PRCC: variants seen among roughly 807,000 people sequenced by gnomAD.
The protein encoded by PRCC is proline-rich protein PRCC.
PRCC carries 10 observed loss-of-function variants against 44.0 expected under a neutral mutation model. That is an observed-to-expected ratio of 0.23 (90% CI 0.14 to 0.39). PRCC has a LOEUF of 0.39. PRCC is among the 10% of genes least tolerant of loss of function. PRCC has a pLI of 1.00. For synonymous variants in PRCC, 278 were observed against 259.5 expected (o/e 1.07, Z -0.69); for missense variants, 573 against 624.7 (o/e 0.92, Z 0.88).
At chr1:156,793,652 C>T (rs1652565535) in intron 4 of PRCC, among the ~76,000 whole-genome samples, 1 of 152,104 alleles carries the variant, frequency 6.6e-6, no homozygotes, top group Non-Finnish European at 1.5e-5. Flanking sequence ...TTAGAAGGAA[C>T]AGAGATGGAC....
rs1558051770 is a variant in PRCC, at chr1:156,787,150, C to T, written c.1059C>T (p.Ala353=). The change falls in exon 3 of 7, where the codon GCC becomes GCT. Residue 353 remains alanine (A), a synonymous_variant. Coordinates refer to ENST00000271526, the MANE Select transcript of PRCC (RefSeq NM_005973.5). ...ATCAGTTTTCCACATATGGCGATGC[C>T]AATGCCGCTGGTGCTTATTATCAGG... ...SYNQFSTYGD[A]NAAGAYYQDY... The T allele has an allele frequency of 1.2e-6, 2 of 1,607,662 alleles. No individual in the cohort carries two copies. Among genetic ancestry groups the T allele is most frequent in the Non-Finnish European group, 1.7e-6 (2 of 1,174,964 alleles).
At chr1:156,799,934 T>C (rs1307413300) in intron 6 of PRCC, among the ~76,000 whole-genome samples, 1 of 152,164 alleles carries the variant, frequency 6.6e-6, no homozygotes, top group Non-Finnish European at 1.5e-5. Context: ...GGCTAAGCAA[T>C]TGTTTGTTGG....
intron 4 of PRCC, among the ~76,000 whole-genome samples, chr1:156,793,517 A>G (rs1356140561): frequency 6.6e-6 from 1 of 150,606 alleles, no homozygotes; most frequent in Non-Finnish European, 1.5e-5. Context: ...TCTTTACCTT[A>G]AAAGCTTTTG....
chr1:156,785,708 C>T (rs1652217411), intron 2 of PRCC, among the ~76,000 whole-genome samples: 1 of 151,996 alleles, frequency 6.6e-6, no homozygotes, highest in Non-Finnish European at 1.5e-5. Context: ...TCTGGACTCA[C>T]TGCTTCCTTG....
In PRCC at chr1:156,784,604, C is replaced by G. The variant is rs1174105118; in HGVS notation, c.517-2004C>G. Among the ~76,000 whole-genome samples the G allele has an allele frequency of 2.0e-5, 3 of 152,184 alleles. No homozygotes were observed. The East Asian group carries it at 5.8e-4, about 29-fold the overall frequency. The stretch of plus-strand genomic sequence containing the variant: ...ACCGGAGCCTCTGGGCGCTTCCAGG[C>G]TGGACCAAATCTGTGAACACACACA... On this transcript the variant is annotated intron_variant, in intron 2 of 6. Coordinates refer to ENST00000271526, the MANE Select transcript of PRCC (RefSeq NM_005973.5).
In PRCC at chr1:156,767,828, C is replaced by A; in HGVS notation, c.57C>A (p.Pro19=). 1 of 1,610,344 alleles carries A rather than the reference C, an allele frequency of 6.2e-7. No individual in the cohort carries two copies. The highest frequency in any genetic ancestry group is 8.5e-7 in the Non-Finnish European group (1 of 1,179,138). ...SDESEPDEAE[P]EPEEEEAVAP... is the part of the protein sequence containing the mutation. ...AGAGCGAGCCGGATGAGGCTGAGCC[C>A]GAGCCGGAGGAAGAGGAGGCGGTGG... Residue 19 remains proline (P), a synonymous_variant, in exon 1 of 7, where the codon CCC becomes CCA. Transcript: ENST00000271526.
intron 2 of PRCC, among the ~76,000 whole-genome samples, chr1:156,785,815 CT>C (rs11371012): frequency 1.5e-4 from 21 of 140,632 alleles, no homozygotes; most frequent in African/African-American, 2.6e-4. Flanking sequence ...GGGGAAGGGA[CT>C]TTTTTTTTTT....
At position 156,794,429 on chromosome 1, in the gene PRCC, G is replaced by A. The variant is rs990551259; in HGVS notation, c.1180-236G>A. ...TCACTGGTTCTCTGCTCTCATTCAT[G>A]TTTGGAGATACCTCTTAGCTTCCCT... is the stretch of plus-strand genomic sequence containing the variant. On this transcript the variant is annotated intron_variant, in intron 4 of 6. Transcript: ENST00000271526. Among the ~76,000 whole-genome samples, 7 of 152,200 alleles carry A rather than the reference G, an allele frequency of 4.6e-5. No homozygotes were observed. The East Asian group carries it at 1.2e-3, about 25-fold the overall frequency.
Position 156,786,809 on chromosome 1 carries a change from C to A in PRCC, c.718C>A (p.Pro240Thr). ...TGTTGTGGGCACCACAACCACCACT[C>A]CGTCGCCCTCTGCTATCAAGGCTGC... ...APVVGTTTTT[P>T]SPSAIKAAAK... is the part of the protein sequence containing the mutation. The change falls in exon 3 of 7, where the codon CCG becomes ACG. Residue 240 changes from proline to threonine, a missense_variant. Coordinates refer to ENST00000271526, the MANE Select transcript of PRCC (RefSeq NM_005973.5). The A allele has an allele frequency of 3.7e-6, 6 of 1,614,250 alleles. No individual in the cohort carries two copies. Among genetic ancestry groups the A allele is most frequent in the Non-Finnish European group, 5.1e-6 (6 of 1,180,036 alleles).
At chr1:156,784,879 TG>T (rs2102763795) in intron 2 of PRCC, among the ~76,000 whole-genome samples, 1 of 152,302 alleles carries the variant, frequency 6.6e-6, no homozygotes, top group Admixed American at 6.5e-5. Context: ...GAACTCTGGA[TG>T]GGCTGGGCCA....
At chr1:156,792,921 T>TCTCA (rs1652543666) in intron 4 of PRCC, among the ~76,000 whole-genome samples, 1 of 152,216 alleles carries the variant, frequency 6.6e-6, no homozygotes, top group Non-Finnish European at 1.5e-5. Flanking sequence ...CATAATGGTC[T>TCTCA]CTCACTGCTG....
chr1:156,779,129 T>TATAA (rs1491456608), intron 1 of PRCC, among the ~76,000 whole-genome samples: 1 of 16,388 alleles, frequency 6.1e-5, no homozygotes, highest in African/African-American at 2.4e-4. Flanking sequence ...TATATATATA[T>TATAA]TTTTTTTTTT....
In PRCC at chr1:156,800,749, C is replaced by G; in HGVS notation, c.*289C>G. On this transcript the variant is annotated 3_prime_UTR_variant, in exon 7 of 7. Transcript: ENST00000271526. The stretch of plus-strand genomic sequence containing the variant: ...CAGGTGTGATAAAATGTTGAACCCT[C>G]CCCACCACCACTTTTTTTTTTTTAA... 3.0e-6 allele frequency: 1 copy of G among 335,784 alleles called. No individual in the cohort carries two copies. The highest frequency in any genetic ancestry group is 4.3e-5 in the East Asian group (1 of 23,118). 20.8% of individuals were successfully genotyped at this position (335,784 alleles called of 1,614,324 possible).
At chr1:156,774,090 T>TG (rs1057206379) in intron 1 of PRCC, among the ~76,000 whole-genome samples, 1 of 137,136 alleles carries the variant, frequency 7.3e-6, no homozygotes, top group Non-Finnish European at 1.6e-5. Context: ...TACCAGGGGC[T>TG]GGGGGGAGGT....
intron 4 of PRCC, 126 bp from the exon 5 acceptor site, chr1:156,794,539 C>T: frequency 5.3e-6 from 6 of 1,136,516 alleles, no homozygotes; most frequent in Admixed American, 2.4e-5. Flanking sequence ...GGTGAAAGGA[C>T]GTAGAGAACT....
At chr1:156,794,620 C>T in intron 4 of PRCC, 45 bp from the exon 5 acceptor site, 1 of 1,608,040 alleles carries the variant, frequency 6.2e-7, no homozygotes, top group South Asian at 1.1e-5. Flanking sequence ...CATCTGCTGA[C>T]ACCCTTGCCC....
intron 1 of PRCC, among the ~76,000 whole-genome samples, chr1:156,775,312 C>T (rs1041415192): frequency 9.9e-5 from 15 of 151,406 alleles, no homozygotes; most frequent in African/African-American, 3.4e-4. Flanking sequence ...GGCCTCAGAC[C>T]CCTGGGCTCA....
intron 3 of PRCC, among the ~76,000 whole-genome samples, chr1:156,790,574 A>T (rs1652440242): frequency 6.6e-6 from 1 of 152,264 alleles, no homozygotes; most frequent in Non-Finnish European, 1.5e-5. Flanking sequence ...GTGAGCCAAG[A>T]TGGCGCCATT....
At chr1:156,789,634 TAATA>T (rs760652538) in intron 3 of PRCC, among the ~76,000 whole-genome samples, 36 of 152,090 alleles carry the variant, frequency 2.4e-4, no homozygotes, top group Non-Finnish European at 4.6e-4. Flanking sequence ...AAAAAATTAA[TAATA>T]AATAAAGAGA....
Sources: gnomAD v4.1 joint callset for allele counts (sites outside exome capture counted in the v4.1 genomes callset) on GRCh38, gnomAD v4.1.1 for gene constraint, MANE v1.5 for transcripts, NCBI Gene and HGNC (gene_info 2026-07-23, HGNC 2026-07-21) for gene names.